The following SH3RF1 variants were observed in gnomAD, a reference collection of about 807,000 sequenced individuals.
SH3RF1 encodes the protein E3 ubiquitin-protein ligase SH3RF1.
Under a neutral mutation model 74.0 loss-of-function variants are expected in SH3RF1, and 32 were observed. That is an observed-to-expected ratio of 0.43 (90% CI 0.33 to 0.58). The LOEUF is 0.58. Among genes scored for constraint, SH3RF1 ranks in the 20% least tolerant of loss-of-function variants. SH3RF1 has a pLI of 0.05. For synonymous variants in SH3RF1, 396 were observed against 439.6 expected (o/e 0.90, Z 1.24); for missense variants, 954 against 1,130.9 (o/e 0.84, Z 2.24).
chr4:169,119,277 T>TA (rs1733398900), intron 8 of SH3RF1, among the ~76,000 whole-genome samples: 3 of 125,402 alleles, frequency 2.4e-5, no homozygotes, highest in Non-Finnish European at 5.1e-5. Context: ...CTAATTTTTG[T>TA]ATTTTTTTTT....
chr4:169,219,797 T>C (rs963482935), intron 2 of SH3RF1, among the ~76,000 whole-genome samples: 3 of 152,242 alleles, frequency 2.0e-5, no homozygotes, highest in African/African-American at 7.2e-5. Context: ...CCTCTACTAC[T>C]TTCTCTCATT....
intron 2 of SH3RF1, among the ~76,000 whole-genome samples, chr4:169,170,915 AAAG>A (rs1734318161): frequency 6.6e-6 from 1 of 152,240 alleles, no homozygotes; most frequent in Non-Finnish European, 1.5e-5. Context: ...TGAGTGTTAC[AAAG>A]AAGAAAGTGA....
chr4:169,261,741 A>AT (rs1224034097), intron 2 of SH3RF1, among the ~76,000 whole-genome samples: 2 of 152,148 alleles, frequency 1.3e-5, no homozygotes, highest in East Asian at 3.8e-4. Flanking sequence ...TTTCTATTCA[A>AT]TTTTTTGTCT....
At chr4:169,101,252 CTG>C (rs1314793718) in intron 11 of SH3RF1, among the ~76,000 whole-genome samples, 2 of 152,254 alleles carry the variant, frequency 1.3e-5, no homozygotes, top group Admixed American at 6.5e-5. Flanking sequence ...TATAGAAAAA[CTG>C]TTTTTTAAAA....
intron 4 of SH3RF1, among the ~76,000 whole-genome samples, 164 bp downstream of exon 4, chr4:169,155,316 G>C (rs968791197): frequency 6.6e-6 from 1 of 152,168 alleles, no homozygotes; most frequent in Non-Finnish European, 1.5e-5. Context: ...TTCAATAATT[G>C]TTGGATAGGA....
At chr4:169,149,739 A>AT (rs2126961510) in intron 4 of SH3RF1, among the ~76,000 whole-genome samples, 2 of 152,308 alleles carry the variant, frequency 1.3e-5, no homozygotes, top group South Asian at 4.1e-4. Context: ...AAAATAATAC[A>AT]TCTAAAGGAA....
chr4:169,205,407 T>C (rs1730237807), intron 2 of SH3RF1, among the ~76,000 whole-genome samples: 1 of 152,288 alleles, frequency 6.6e-6, no homozygotes, highest in Non-Finnish European at 1.5e-5. Flanking sequence ...ACTGATAAGG[T>C]AGTAATAAGC....
intron 2 of SH3RF1, among the ~76,000 whole-genome samples, chr4:169,226,147 T>G (rs919821835): frequency 6.6e-6 from 1 of 152,196 alleles, no homozygotes; most frequent in East Asian, 1.9e-4. Flanking sequence ...GTTTGTCTCT[T>G]TTGTTTAGTG....
At chr4:169,259,457 C>G (rs529370855) in intron 2 of SH3RF1, among the ~76,000 whole-genome samples, 54 of 152,142 alleles carry the variant, frequency 3.5e-4, no homozygotes, top group Non-Finnish European at 6.6e-4. Context: ...TTACAGCCAC[C>G]CATATGTCAC....
intron 2 of SH3RF1, among the ~76,000 whole-genome samples, chr4:169,186,351 T>TAAAAAAA (rs954546871): frequency 6.8e-6 from 1 of 146,460 alleles, no homozygotes; most frequent in African/African-American, 2.5e-5. Context: ...ACTTAAAAGT[T>TAAAAAAA]AAAAAAAAAA....
intron 7 of SH3RF1, 36 bp downstream of exon 7, chr4:169,122,064 A>G (rs751310865): frequency 6.3e-7 from 1 of 1,599,950 alleles, no homozygotes; most frequent in Non-Finnish European, 8.5e-7. Flanking sequence ...CGTTTAAATG[A>G]ACACATAAGC....
intron 2 of SH3RF1, among the ~76,000 whole-genome samples, chr4:169,259,395 C>T (rs887079792): frequency 3.3e-5 from 5 of 152,114 alleles, no homozygotes; most frequent in African/African-American, 1.2e-4. Context: ...CATTCCCTTC[C>T]CAGCTACCCC....
chr4:169,205,506 T>C (rs1051207756), intron 2 of SH3RF1, among the ~76,000 whole-genome samples: 8 of 152,190 alleles, frequency 5.3e-5, no homozygotes, highest in Admixed American at 5.2e-4. Flanking sequence ...CAGGCCAATT[T>C]CCAGGCATGT....
At chr4:169,241,863 CT>C (rs892409731) in intron 2 of SH3RF1, among the ~76,000 whole-genome samples, 2 of 152,104 alleles carry the variant, frequency 1.3e-5, no homozygotes, top group African/African-American at 4.8e-5. Context: ...TTCTCTGGCC[CT>C]TATGGCTGGA....
At chr4:169,233,513 CA>C (rs1730777479) in intron 2 of SH3RF1, among the ~76,000 whole-genome samples, 1 of 152,100 alleles carries the variant, frequency 6.6e-6, no homozygotes, top group Non-Finnish European at 1.5e-5. Flanking sequence ...AGGTACTTTT[CA>C]AAGTGTTTTA....
At chr4:169,103,537 C>CATTG (rs1280910301) in intron 11 of SH3RF1, among the ~76,000 whole-genome samples, 4 of 152,180 alleles carry the variant, frequency 2.6e-5, no homozygotes, top group African/African-American at 7.2e-5. Flanking sequence ...TCATTTTCAG[C>CATTG]ATTGAGCACT....
At chr4:169,167,447 C>T (rs1188547036) in intron 2 of SH3RF1, among the ~76,000 whole-genome samples, 3 of 152,042 alleles carry the variant, frequency 2.0e-5, no homozygotes, top group Non-Finnish European at 4.4e-5. Context: ...TAGGTATTAA[C>T]CCAAGATAAA....
chr4:169,161,186 T>C (rs912662003), intron 2 of SH3RF1, among the ~76,000 whole-genome samples: 4 of 152,212 alleles, frequency 2.6e-5, no homozygotes, highest in Non-Finnish European at 5.9e-5. Context: ...AACCTTGGGT[T>C]TGCGGCTTGT....
intron 2 of SH3RF1, among the ~76,000 whole-genome samples, chr4:169,264,831 T>G (rs1354046048): frequency 6.6e-6 from 1 of 152,190 alleles, no homozygotes; most frequent in African/African-American, 2.4e-5. Flanking sequence ...CCCTGTGGCT[T>G]GCCTAGTTCA....
Sources: gnomAD v4.1 joint callset for allele counts (sites outside exome capture counted in the v4.1 genomes callset) on GRCh38, gnomAD v4.1.1 for gene constraint, MANE v1.5 for transcripts, NCBI Gene and HGNC (gene_info 2026-07-23, HGNC 2026-07-21) for gene names.